Variants in TRPV4 observed in about 807,000 individuals in gnomAD.
TRPV4 encodes the protein transient receptor potential cation channel subfamily V member 4, also known as OSM9-like transient receptor potential channel 4.
In TRPV4, 58 loss-of-function variants were observed where a neutral mutation model predicts 84.1. That is an observed-to-expected ratio of 0.69 (90% confidence interval 0.56 to 0.86). The LOEUF (loss-of-function observed/expected upper bound fraction) is 0.86. Among genes scored for constraint, TRPV4 ranks in the 40% least tolerant of loss-of-function variants. The pLI, the probability that TRPV4 is intolerant of heterozygous loss-of-function variation, is 0.00. For synonymous variants in TRPV4, 489 were observed against 500.9 expected (o/e 0.98, Z 0.32); for missense variants, 879 against 1,181.1 (o/e 0.74, Z 3.75).
At chr12:109,828,250 T>G (rs533342663) in intron 1 of TRPV4, among the ~76,000 whole-genome samples, 17 of 152,218 alleles carry the variant, frequency 1.1e-4, no homozygotes, top group African/African-American at 3.9e-4. Context: ...CCTGGTGTGG[T>G]CTCGTGTGAT....
At chr12:109,792,284 A>C (rs1383050642) in intron 12 of TRPV4, 79 bp downstream of exon 12, 2 of 996,780 alleles carry the variant, frequency 2.0e-6, no homozygotes, top group Non-Finnish European at 3.2e-6. Context: ...CAAGGCTGCT[A>C]TTGTCCCCTA....
Position 109,783,739 on chromosome 12 carries a change from T to C in TRPV4, c.2498A>G (p.Asn833Ser), listed in dbSNP as rs116035946. The C allele has an allele frequency of 2.4e-3, 3,820 of 1,613,470 alleles. 12 individuals carry two copies. The highest frequency in any genetic ancestry group is 2.9e-3 in the Non-Finnish European group (3,440 of 1,179,924). Residue 833 changes from asparagine (N) to serine (S), a missense_variant, in exon 16 of 16, where the codon AAC (asparagine) becomes AGC (serine). By Grantham distance (46) the Asn-to-Ser change is conservative. Around this residue, in one of 4 missense-constraint regions of TRPV4, gnomAD observed 242 missense variants for 355.3 expected, o/e 0.68. Coordinates refer to ENST00000261740, the MANE Select transcript of TRPV4 (RefSeq NM_021625.5). The surrounding 1 kb of genome is among the most constrained non-coding windows in gnomAD (Gnocchi z 4.6). ...CACCTCGTCCGGGTTCGAGTTCTTG[T>C]TCAGTTCCACCACGCGGGGTACCAC... ...SSVVPRVVEL[N>S]KNSNPDEVVV...
At chr12:109,792,243 CAAAAAAAAA>C in intron 12 of TRPV4, 111 bp downstream of exon 12, 1 of 374,640 alleles carries the variant, frequency 2.7e-6, no homozygotes, top group East Asian at 6.7e-5. Flanking sequence ...AACTCCACCT[CAAAAAAAAA>C]AAAAAAAAAA....
chr12:109,808,401 G>A lies in TRPV4; in HGVS notation c.454C>T (p.Pro152Ser). 6.2e-7 allele frequency: 1 copy of A among 1,614,188 alleles called. No homozygotes were observed. Among genetic ancestry groups the A allele is most frequent in the Non-Finnish European group, 8.5e-7 (1 of 1,180,030 alleles). The change falls in exon 3 of 16, where the codon CCT (proline) becomes TCT (serine). Residue 152 changes from proline (P) to serine (S), a missense_variant. By Grantham distance (74) the Pro-to-Ser change is moderately conservative. Transcript: ENST00000261740. ...PPPILKVFNR[P>S]ILFDIVSRGS... is the part of the protein sequence containing the mutation. ...CGGGACACGATGTCAAAGAGGATAG[G>A]CCGGTTGAAGACTTTGAGGATGGGG...
intron 1 of TRPV4, among the ~76,000 whole-genome samples, chr12:109,819,748 A>T (rs898552231): frequency 1.3e-5 from 2 of 152,206 alleles, no homozygotes; most frequent in Admixed American, 6.5e-5. Flanking sequence ...TTTTTAGTAC[A>T]GACGGGGTTT....
chr12:109,825,586 G>A (rs1270110592), intron 1 of TRPV4, among the ~76,000 whole-genome samples: 1 of 152,146 alleles, frequency 6.6e-6, no homozygotes, highest in East Asian at 1.9e-4. Flanking sequence ...GCTCGTGACT[G>A]CAGAGACCTC....
intron 1 of TRPV4, among the ~76,000 whole-genome samples, chr12:109,818,335 C>T (rs112060128): frequency 1.5e-3 from 226 of 152,146 alleles, no homozygotes; most frequent in African/African-American, 5.1e-3. Flanking sequence ...AAGACAGCCC[C>T]GCACCACACA....
chr12:109,792,289 C>T, intron 12 of TRPV4, 74 bp downstream of exon 12: 1 of 1,170,968 alleles, frequency 8.5e-7, no homozygotes, highest in African/African-American at 1.5e-5. Flanking sequence ...CTGCTATTGT[C>T]CCCTATACAT....
Position 109,815,988 on chromosome 12 carries a change from C to A in TRPV4, c.-31-1161G>T, listed in dbSNP as rs543671981. Among the ~76,000 whole-genome samples the A allele has an allele frequency of 6.6e-6, 1 of 152,342 alleles. No homozygotes were observed. The highest frequency in any genetic ancestry group is 6.5e-5 in the Admixed American group (1 of 15,306). On this transcript the variant is annotated intron_variant, in intron 1 of 15. Coordinates refer to ENST00000261740, the MANE Select transcript of TRPV4 (RefSeq NM_021625.5). This position sits in a 1 kb window ranked among gnomAD's most constrained non-coding sequence, Gnocchi z 4.1. ...TCTCTGTAGCATGGTGCCAGCCAGG[C>A]AGGGCTGGGCACCAAGGGTGAGTTT...
chr12:109,788,775 G>A (rs532626290), intron 12 of TRPV4, 59 bp from the exon 13 acceptor site: 3 of 1,593,298 alleles, frequency 1.9e-6, no homozygotes, highest in South Asian at 2.2e-5. Flanking sequence ...AGAGGTGGAG[G>A]GTGTCATTCT....
In TRPV4 at chr12:109,793,507, G is replaced by A; in HGVS notation, c.1658+20C>T. On this transcript the variant is annotated intron_variant, in intron 10 of 15. Coordinates refer to ENST00000261740, the MANE Select transcript of TRPV4 (RefSeq NM_021625.5). This position sits in a 1 kb window ranked among gnomAD's most constrained non-coding sequence, Gnocchi z 4.0. ...CACCTTCCTCACCCAGAAGCTGCCG[G>A]CCCAGGGACCTCTACTCACTAGAGC... 1.9e-6 allele frequency: 3 copies of A among 1,609,272 alleles called. No homozygotes were observed. The highest frequency in any genetic ancestry group is 2.6e-6 in the Non-Finnish European group (3 of 1,175,748).
intron 13 of TRPV4, 88 bp downstream of exon 13, chr12:109,788,312 G>A (rs1299597867): frequency 1.3e-5 from 17 of 1,302,648 alleles, no homozygotes; most frequent in African/African-American, 1.5e-5. Context: ...CTTGCTCAGA[G>A]TGGAAGGCCG....
intron 1 of TRPV4, among the ~76,000 whole-genome samples, chr12:109,827,364 C>T (rs1199526252): frequency 1.3e-5 from 2 of 152,144 alleles, no homozygotes; most frequent in African/African-American, 4.8e-5. Flanking sequence ...GCCTGGCTGG[C>T]TTGTCCAGTC....
At position 109,815,637 on chromosome 12, in the gene TRPV4, C is replaced by T. The variant is rs1283053748; in HGVS notation, c.-31-810G>A. On this transcript the variant is annotated intron_variant, in intron 1 of 15. Transcript: ENST00000261740. The surrounding 1 kb of genome is among the most constrained non-coding windows in gnomAD (Gnocchi z 4.1). ...AAGCCCTCCCTGGCCTGCACACACT[C>T]GCTCCCAGGATCCATGCTCCTCTCC... Among the ~76,000 whole-genome samples the T allele has an allele frequency of 2.0e-5, 3 of 152,206 alleles. No homozygotes were observed. The highest frequency in any genetic ancestry group is 4.4e-5 in the Non-Finnish European group (3 of 68,034).
rs1449705702 is a variant in TRPV4, at chr12:109,802,990, C to T, written c.712+1G>A. On this transcript the variant is annotated splice_donor_variant, in intron 4 of 15. Coordinates refer to ENST00000261740, the MANE Select transcript of TRPV4 (RefSeq NM_021625.5). LOFTEE classifies it high-confidence loss of function. ...CACCCCTGCCCAGCCCGGGGCCCCA[C>T]CTCGATAGTAGATGTCACGGAAGGG... The T allele has an allele frequency of 1.2e-6, 2 of 1,613,886 alleles. No homozygotes were observed. Among genetic ancestry groups the T allele is most frequent in the Non-Finnish European group, 8.5e-7 (1 of 1,179,998 alleles).
At position 109,793,354 on chromosome 12, in the gene TRPV4, C is replaced by G; in HGVS notation, c.1658+173G>C. 1 of 662,382 alleles carries G rather than the reference C, an allele frequency of 1.5e-6. No homozygotes were observed. The highest frequency in any genetic ancestry group is 1.7e-5 in the South Asian group (1 of 59,572). The allele number at this position is 662,382 out of a possible 1,614,324, so 41.0% of individuals were successfully genotyped here. ...TAACTCCCTAGCAATCAGAATTTTT[C>G]TTGAACCAGAAGACCCTATTGTTTG... On this transcript the variant is annotated intron_variant, in intron 10 of 15. Transcript: ENST00000261740. This position sits in a 1 kb window ranked among gnomAD's most constrained non-coding sequence, Gnocchi z 4.0.
chr12:109,802,842 C>G lies in TRPV4; in HGVS notation c.712+149G>C, dbSNP rs902099077. On this transcript the variant is annotated intron_variant, in intron 4 of 15. Coordinates refer to ENST00000261740, the MANE Select transcript of TRPV4 (RefSeq NM_021625.5). ...TCCATCTATCCATGCATCCATGCATCCATCCATCCATCCATCCATCCATCC... is the reference window on the plus strand; with the variant it reads ...TCCATCTATCCATGCATCCATGCATGCATCCATCCATCCATCCATCCATCC... The G allele has an allele frequency of 6.1e-5, 41 of 676,216 alleles. 1 individual carries two copies. The highest frequency in any genetic ancestry group is 3.3e-5 in the Non-Finnish European group (13 of 388,328). The allele number at this position is 676,216 out of a possible 1,614,324, so 41.9% of individuals were successfully genotyped here. A position where few individuals can be genotyped will look rare whatever the true frequency, so the allele number is the denominator to read the frequency against.
intron 1 of TRPV4, among the ~76,000 whole-genome samples, chr12:109,828,386 G>A (rs1892324791): frequency 6.6e-6 from 1 of 152,188 alleles, no homozygotes; most frequent in African/African-American, 2.4e-5. Flanking sequence ...GCTAGGGGTG[G>A]GAAGGAAGTC....
chr12:109,799,495 G>T (rs146648447), intron 5 of TRPV4, among the ~76,000 whole-genome samples: 36 of 152,336 alleles, frequency 2.4e-4, no homozygotes, highest in African/African-American at 8.7e-4. Context: ...TGCACATAAT[G>T]AATGCCTTTA....
Sources: gnomAD v4.1 joint callset for allele counts (sites outside exome capture counted in the v4.1 genomes callset) on GRCh38, gnomAD v4.1.1 for gene constraint, gnomAD v4.1.1 regional missense constraint, Gnocchi (gnomAD v3.1) non-coding constraint, MANE v1.5 for transcripts, NCBI Gene and HGNC (gene_info 2026-07-23, HGNC 2026-07-21) for gene names.